RYR3: variants seen among roughly 807,000 people sequenced by gnomAD.
RYR3 encodes the protein ryanodine receptor 3.
Under a neutral mutation model 584.3 loss-of-function variants are expected in RYR3, and 207 were observed. The observed-to-expected ratio is 0.35, with a 90% confidence interval of 0.32 to 0.40. The LOEUF (loss-of-function observed/expected upper bound fraction) is 0.40. Ranked by LOEUF, RYR3 falls within the 10% of genes least tolerant of loss-of-function variation. The pLI is 1.00. For missense variants in RYR3, 5,616 were observed against 6,089.2 expected (o/e 0.92, Z 2.59); for synonymous variants, 2,416 against 2,248.5 (o/e 1.07, Z -2.11).
intron 42 of RYR3, among the ~76,000 whole-genome samples, chr15:33,705,210 T>C (rs1361321413): frequency 2.6e-5 from 4 of 151,950 alleles, no homozygotes; most frequent in Non-Finnish European, 5.9e-5. Context: ...CTGGCCCTTA[T>C]TGATGCTTCC....
rs150893574 is a variant in RYR3, at chr15:33,492,571, A to C, written c.172-11060A>C. The stretch of plus-strand genomic sequence containing the variant: ...AGAAGGCATTGGGGAAAAATCTCAA[A>C]AACATTTGGAAGCCGAGCTGTTTTC... On this transcript the variant is annotated intron_variant, in intron 2 of 103. Coordinates refer to ENST00000634891, the MANE Select transcript of RYR3 (RefSeq NM_001036.6). Among the ~76,000 whole-genome samples the C allele has an allele frequency of 5.1e-4, 77 of 152,242 alleles. 1 individual carries two copies. Among genetic ancestry groups the C allele is most frequent in the African/African-American group, 1.9e-3 (77 of 41,550 alleles).
intron 1 of RYR3, among the ~76,000 whole-genome samples, chr15:33,331,024 A>G (rs1027696030): frequency 1.3e-5 from 2 of 152,154 alleles, no homozygotes; most frequent in African/African-American, 4.8e-5. Flanking sequence ...TGCTCCAGTG[A>G]CAGAACTTTG....
At position 33,785,887 on chromosome 15, in the gene RYR3, C is replaced by T. The variant is rs1489841173; in HGVS notation, c.9494C>T (p.Thr3165Ile). Residue 3165 changes from threonine to isoleucine, a missense_variant, in exon 66 of 104, where the codon ACC becomes ATC. Thr to Ile is a moderately conservative substitution (Grantham distance 89). This residue lies in a region of RYR3 where 954 missense variants were observed against 1,132.2 expected (regional missense o/e 0.84). Transcript: ENST00000634891. ...ACAGGGCCATGCTGCACCAAGGTCACCTCTGAACACCTCAGTCTCATCCTG... is the reference window on the plus strand; with the variant it reads ...ACAGGGCCATGCTGCACCAAGGTCATCTCTGAACACCTCAGTCTCATCCTG... ...PSTGPCCTKV[T>I]SEHLSLILGN... 2.5e-6 allele frequency: 4 copies of T among 1,613,824 alleles called. No homozygotes were observed. Among genetic ancestry groups the T allele is most frequent in the East Asian group, 2.2e-5 (1 of 44,884 alleles).
chr15:33,630,762 G>C (rs1281436682), intron 22 of RYR3, among the ~76,000 whole-genome samples: 1 of 152,184 alleles, frequency 6.6e-6, no homozygotes, highest in Non-Finnish European at 1.5e-5. Flanking sequence ...AATTCTATCT[G>C]TTCCATGGAA....
intron 1 of RYR3, among the ~76,000 whole-genome samples, chr15:33,440,955 T>G (rs2046176468): frequency 6.6e-6 from 1 of 152,232 alleles, no homozygotes; most frequent in South Asian, 2.1e-4. Context: ...AGTAAGACTC[T>G]CACTGGCTCT....
chr15:33,815,815 C>T, intron 74 of RYR3: 2 of 398,524 alleles, frequency 5.0e-6, no homozygotes, highest in East Asian at 3.6e-5. Context: ...TAAAAGAAAA[C>T]TTGTATGCTT....
intron 2 of RYR3, among the ~76,000 whole-genome samples, chr15:33,497,744 G>A (rs1485702317): frequency 6.6e-6 from 1 of 152,084 alleles, no homozygotes; most frequent in African/African-American, 2.4e-5. Context: ...ATCTGCTCTT[G>A]TGGCTATTTT....
intron 103 of RYR3, chr15:33,864,918 T>TTTCTCCTTCCCTGCCAGC (rs2153028685): frequency 2.0e-6 from 1 of 505,562 alleles, no homozygotes; most frequent in South Asian, 3.4e-5. Context: ...GAGGGGGATT[T>TTTCTCCTTCCCTGCCAGC]TTCTCCTTCC....
At chr15:33,473,684 C>A in intron 2 of RYR3, 146 bp downstream of exon 2, 1 of 812,220 alleles carries the variant, frequency 1.2e-6, no homozygotes, top group Non-Finnish European at 1.9e-6. Flanking sequence ...CTGGTTTAAA[C>A]CATAACTTTC....
intron 38 of RYR3, among the ~76,000 whole-genome samples, chr15:33,674,659 A>G (rs1461542183): frequency 6.6e-6 from 1 of 152,156 alleles, no homozygotes; most frequent in Non-Finnish European, 1.5e-5. Flanking sequence ...AACTCAAAAT[A>G]ATCATGAGGT....
intron 51 of RYR3, among the ~76,000 whole-genome samples, chr15:33,741,070 C>T (rs1271592252): frequency 1.3e-5 from 2 of 152,208 alleles, no homozygotes; most frequent in Admixed American, 6.5e-5. Flanking sequence ...CTTTTGAAAA[C>T]GTTCTGAGAA....
chr15:33,854,688 C>G (rs1420405959), intron 97 of RYR3, 78 bp from the exon 98 acceptor site: 1 of 1,525,390 alleles, frequency 6.6e-7, no homozygotes, highest in Non-Finnish European at 8.8e-7. Context: ...GTGTGTCTCC[C>G]AAAATAAGAA....
chr15:33,604,424 C>T (rs1165779279), intron 18 of RYR3, among the ~76,000 whole-genome samples: 1 of 152,150 alleles, frequency 6.6e-6, no homozygotes, highest in Admixed American at 6.6e-5. Flanking sequence ...TCAGTTGGTC[C>T]ATATGGATTT....
chr15:33,749,848 A>G, intron 55 of RYR3, 131 bp from the exon 56 acceptor site: 1 of 684,986 alleles, frequency 1.5e-6, no homozygotes, highest in Non-Finnish European at 2.6e-6. Flanking sequence ...AATGATGGGA[A>G]GCCCTTGGCC....
chr15:33,425,819 T>C (rs1237400217), intron 1 of RYR3, among the ~76,000 whole-genome samples: 1 of 151,868 alleles, frequency 6.6e-6, no homozygotes, highest in Non-Finnish European at 1.5e-5. Context: ...TTTTTTTGTA[T>C]TTTTAGTAGA....
In RYR3 at chr15:33,722,752, G is replaced by A. The variant is rs2068038505; in HGVS notation, c.6657G>A (p.Lys2219=). The A allele has an allele frequency of 1.9e-6, 3 of 1,612,862 alleles. No homozygotes were observed. The highest frequency in any genetic ancestry group is 1.7e-6 in the Non-Finnish European group (2 of 1,179,566). The part of the protein sequence containing the change: ...SVEENASVVV[K]LLIRRPECFG... ...AAGAAAACGCCAGCGTTGTGGTCAAGCTGCTCATCAGACGCCCAGAGTGCT... is the reference window on the plus strand; with the variant it reads ...AAGAAAACGCCAGCGTTGTGGTCAAACTGCTCATCAGACGCCCAGAGTGCT... The change falls in exon 44 of 104, where the codon AAG becomes AAA. Residue 2219 remains lysine, a synonymous_variant. Coordinates refer to ENST00000634891, the MANE Select transcript of RYR3 (RefSeq NM_001036.6).
chr15:33,314,943 A>AAC (rs1414728224), intron 1 of RYR3, among the ~76,000 whole-genome samples: 3 of 104,740 alleles, frequency 2.9e-5, no homozygotes, highest in African/African-American at 1.4e-4. Context: ...AAAAAAAACC[A>AAC]AAAAAAAACA....
chr15:33,613,451 GCAGT>G, intron 19 of RYR3, 76 bp downstream of exon 19: 1 of 1,428,494 alleles, frequency 7.0e-7, no homozygotes, highest in African/African-American at 1.4e-5. Context: ...TGCGAAGCCA[GCAGT>G]CTCCTTCAGG....
At chr15:33,730,020 G>T (rs2068807990) in intron 47 of RYR3, among the ~76,000 whole-genome samples, 1 of 151,870 alleles carries the variant, frequency 6.6e-6, no homozygotes, top group South Asian at 2.1e-4. Flanking sequence ...GACAGTATTA[G>T]GGTATACGAT....
Sources: gnomAD v4.1 joint callset for allele counts (sites outside exome capture counted in the v4.1 genomes callset) on GRCh38, gnomAD v4.1.1 for gene constraint, gnomAD v4.1.1 regional missense constraint, MANE v1.5 for transcripts, NCBI Gene and HGNC (gene_info 2026-07-23, HGNC 2026-07-21) for gene names.